Variants in SPAG16 observed in about 807,000 individuals in gnomAD.
The protein encoded by SPAG16 is sperm associated antigen 16.
Under a neutral mutation model 80.4 loss-of-function variants are expected in SPAG16, and 86 were observed. The observed-to-expected ratio is 1.07, with a 90% confidence interval of 0.90 to 1.28. The LOEUF (loss-of-function observed/expected upper bound fraction) is 1.28, where lower values mean the gene tolerates loss of function less well. SPAG16 is among the 50% of genes most tolerant of loss of function. SPAG16 has a pLI of 0.00. For missense variants in SPAG16, 870 were observed against 765.3 expected (o/e 1.14, Z -1.61); for synonymous variants, 294 against 265.9 (o/e 1.11, Z -1.03).
intron 15 of SPAG16, among the ~76,000 whole-genome samples, chr2:214,342,930 G>T (rs936292172): frequency 8.5e-5 from 13 of 152,094 alleles, no homozygotes; most frequent in African/African-American, 3.1e-4. Context: ...CCATAGCATT[G>T]AATGTAACTC....
chr2:214,039,369 C>T (rs993653628), intron 13 of SPAG16, among the ~76,000 whole-genome samples: 44 of 152,160 alleles, frequency 2.9e-4, no homozygotes, highest in African/African-American at 1.0e-3. Flanking sequence ...TCACATCCTT[C>T]GCCCACTTTT....
At chr2:213,823,369 T>C (rs1208427490) in intron 10 of SPAG16, among the ~76,000 whole-genome samples, 1 of 152,120 alleles carries the variant, frequency 6.6e-6, no homozygotes, top group African/African-American at 2.4e-5. Flanking sequence ...TTGTTTTGTT[T>C]TGTTTTTTGA....
chr2:213,523,861 G>A (rs1373513059), intron 10 of SPAG16, among the ~76,000 whole-genome samples: 2 of 152,212 alleles, frequency 1.3e-5, no homozygotes, highest in African/African-American at 4.8e-5. Flanking sequence ...AAGTGGCAAA[G>A]TGTTCAAAGG....
intron 13 of SPAG16, among the ~76,000 whole-genome samples, chr2:214,105,199 A>G (rs2053319763): frequency 6.6e-6 from 1 of 152,128 alleles, no homozygotes; most frequent in Non-Finnish European, 1.5e-5. Context: ...AGGGCAACAG[A>G]ACAAACAGCA....
chr2:214,021,293 C>T (rs909251015), intron 13 of SPAG16, among the ~76,000 whole-genome samples: 1 of 152,110 alleles, frequency 6.6e-6, no homozygotes, highest in African/African-American at 2.4e-5. Context: ...TGTTTTCACG[C>T]TGCTGATAAA....
intron 15 of SPAG16, among the ~76,000 whole-genome samples, chr2:214,187,912 C>G (rs2057532606): frequency 6.6e-6 from 1 of 152,062 alleles, no homozygotes; most frequent in Non-Finnish European, 1.5e-5. Context: ...ACCTCTTCTC[C>G]TTTAATATCA....
intron 14 of SPAG16, among the ~76,000 whole-genome samples, chr2:214,111,341 C>A (rs2053652585): frequency 6.6e-6 from 1 of 152,136 alleles, no homozygotes; most frequent in African/African-American, 2.4e-5. Flanking sequence ...TTTCAGCTTT[C>A]TACATATGGC....
At chr2:213,285,673 A>C (rs1239511037) in intron 1 of SPAG16, among the ~76,000 whole-genome samples, 2 of 152,242 alleles carry the variant, frequency 1.3e-5, no homozygotes, top group Non-Finnish European at 2.9e-5. Context: ...TGAAGAATTT[A>C]GCTGAAAGAT....
At chr2:213,864,945 G>A (rs1559533786) in intron 11 of SPAG16, among the ~76,000 whole-genome samples, 1 of 151,604 alleles carries the variant, frequency 6.6e-6, no homozygotes, top group East Asian at 1.9e-4. Context: ...TAAACTGAGG[G>A]GATAACTAAC....
chr2:213,476,749 G>T (rs1369205319), intron 9 of SPAG16, among the ~76,000 whole-genome samples: 2 of 152,202 alleles, frequency 1.3e-5, no homozygotes, highest in Non-Finnish European at 2.9e-5. Flanking sequence ...GGGCCCAGTG[G>T]CATTTTCTCT....
chr2:214,267,736 T>C (rs1691684090), intron 15 of SPAG16, among the ~76,000 whole-genome samples: 1 of 151,810 alleles, frequency 6.6e-6, no homozygotes, highest in African/African-American at 2.4e-5. Context: ...ACCGAAAGCA[T>C]TCTATAGATT....
chr2:213,584,488 GA>G (rs911372443), intron 10 of SPAG16, among the ~76,000 whole-genome samples: 9 of 151,566 alleles, frequency 5.9e-5, no homozygotes, highest in South Asian at 2.1e-4. Flanking sequence ...GAATCTCAGT[GA>G]AAAAAAATCA....
chr2:214,353,741 A>G (rs1417950401), intron 15 of SPAG16, among the ~76,000 whole-genome samples: 1 of 152,154 alleles, frequency 6.6e-6, no homozygotes, highest in Non-Finnish European at 1.5e-5. Flanking sequence ...TTTAATCACA[A>G]GAAAATCACC....
intron 9 of SPAG16, among the ~76,000 whole-genome samples, chr2:213,377,840 A>G (rs1314152312): frequency 1.3e-5 from 2 of 151,728 alleles, no homozygotes; most frequent in Non-Finnish European, 2.9e-5. Flanking sequence ...TGAGCACTGT[A>G]TTAGTCAGAG....
intron 15 of SPAG16, among the ~76,000 whole-genome samples, chr2:214,338,143 A>G (rs1697424829): frequency 6.6e-6 from 1 of 152,224 alleles, no homozygotes; most frequent in Non-Finnish European, 1.5e-5. Flanking sequence ...TAGGGAGGAA[A>G]CAAAATCAAG....
At chr2:213,318,316 A>C (rs2063484384) in intron 5 of SPAG16, among the ~76,000 whole-genome samples, 1 of 152,102 alleles carries the variant, frequency 6.6e-6, no homozygotes, top group Non-Finnish European at 1.5e-5. Flanking sequence ...AATACTATTC[A>C]GCCATAAAAA....
At chr2:213,430,313 GA>G (rs2070211126) in intron 9 of SPAG16, among the ~76,000 whole-genome samples, 1 of 152,182 alleles carries the variant, frequency 6.6e-6, no homozygotes, top group Admixed American at 6.5e-5. Context: ...AGAAGAAAAA[GA>G]AATGAAGAAG....
chr2:213,288,981 T>C (rs1202332140), intron 1 of SPAG16, among the ~76,000 whole-genome samples: 1 of 152,242 alleles, frequency 6.6e-6, no homozygotes, highest in Non-Finnish European at 1.5e-5. Context: ...AGTGTTGATA[T>C]TTACTTGTGT....
chr2:213,973,836 T>C (rs1488758330), intron 12 of SPAG16, among the ~76,000 whole-genome samples: 1 of 152,100 alleles, frequency 6.6e-6, no homozygotes, highest in Admixed American at 6.6e-5. Flanking sequence ...TTTAAGTTAA[T>C]GGAATTAATA....
Sources: gnomAD v4.1 joint callset for allele counts (sites outside exome capture counted in the v4.1 genomes callset) on GRCh38, gnomAD v4.1.1 for gene constraint, MANE v1.5 for transcripts, NCBI Gene and HGNC (gene_info 2026-07-23, HGNC 2026-07-21) for gene names.